LEMD3: variants seen among roughly 807,000 people sequenced by gnomAD.
The protein encoded by LEMD3 is LEM domain containing 3.
A neutral mutation model predicts 95.2 loss-of-function variants in LEMD3; 33 were observed. The observed-to-expected ratio is 0.35, with a 90% CI of 0.26 to 0.46. The LOEUF is 0.46. Among genes scored for constraint, LEMD3 ranks in the 20% least tolerant of loss-of-function variants. LEMD3 has a pLI of 1.00. For missense variants in LEMD3, 1,210 were observed against 1,192.8 expected (o/e 1.01, Z -0.21); for synonymous variants, 525 against 474.6 (o/e 1.11, Z -1.38).
chr12:65,193,432 A>G lies in LEMD3; in HGVS notation c.1523-17494A>G, dbSNP rs185691886. ...GGCCTGCTAGCACTTGGAAGGGGCC[A>G]GCCTATGCAGTGTGTTTACTGGAGT... On this transcript the variant is annotated intron_variant, in intron 1 of 12. Coordinates refer to ENST00000308330, the MANE Select transcript of LEMD3 (RefSeq NM_014319.5). Among the ~76,000 whole-genome samples the G allele has an allele frequency of 2.1e-3, 322 of 152,246 alleles. 1 individual carries two copies. The highest frequency in any genetic ancestry group is 7.5e-3 in the African/African-American group (310 of 41,576).
chr12:65,242,620 A>G (rs776798942), intron 9 of LEMD3, among the ~76,000 whole-genome samples: 13 of 152,052 alleles, frequency 8.5e-5, no homozygotes, highest in Non-Finnish European at 1.5e-4. Context: ...AGGTCATGTC[A>G]TATCTACTCC....
intron 1 of LEMD3, chr12:65,171,816 G>T (rs909585868): frequency 1.4e-4 from 22 of 152,436 alleles, no homozygotes; most frequent in African/African-American, 4.6e-4. Flanking sequence ...TGTGTTCATT[G>T]TCATAATCAA....
Position 65,196,128 on chromosome 12 carries a change from C to A in LEMD3, c.1523-14798C>A, listed in dbSNP as rs187788632. Among the ~76,000 whole-genome samples, 195 of 150,374 alleles carry A rather than the reference C, an allele frequency of 1.3e-3. 4 individuals carry two copies. The highest frequency in any genetic ancestry group is 4.5e-3 in the African/African-American group (184 of 40,824). On this transcript the variant is annotated intron_variant, in intron 1 of 12. Coordinates refer to ENST00000308330, the MANE Select transcript of LEMD3 (RefSeq NM_014319.5). Reference sequence around the variant, plus strand: ...TTTATAAAGCATTTGTCTAGCTTTTCATCTTTGGGTTGGGAAGATAACTGA... The same window carrying A: ...TTTATAAAGCATTTGTCTAGCTTTTAATCTTTGGGTTGGGAAGATAACTGA...
intron 1 of LEMD3, among the ~76,000 whole-genome samples, chr12:65,186,730 T>G (rs1459092407): frequency 2.0e-5 from 3 of 150,346 alleles, no homozygotes; most frequent in African/African-American, 7.3e-5. Flanking sequence ...TGGTATTACA[T>G]CAGTAAGTGT....
At chr12:65,238,627 TG>T (rs1378874667) in intron 5 of LEMD3, 41 bp from the exon 6 acceptor site, 3 of 1,613,196 alleles carry the variant, frequency 1.9e-6, no homozygotes, top group Non-Finnish European at 2.5e-6. Flanking sequence ...CTGGGAGAAA[TG>T]GTTTTTGACT....
chr12:65,208,771 T>A (rs552425068), intron 1 of LEMD3, among the ~76,000 whole-genome samples: 1 of 152,200 alleles, frequency 6.6e-6, no homozygotes, highest in South Asian at 2.1e-4. Context: ...TAGGTGGCAA[T>A]TATCATGAGC....
At chr12:65,184,554 A>G (rs1253406626) in intron 1 of LEMD3, among the ~76,000 whole-genome samples, 1 of 152,150 alleles carries the variant, frequency 6.6e-6, no homozygotes, top group South Asian at 2.1e-4. Flanking sequence ...TTTCCAACTT[A>G]TACTGGCCTA....
intron 1 of LEMD3, among the ~76,000 whole-genome samples, chr12:65,174,928 G>A (rs368565122): frequency 9.2e-5 from 14 of 152,174 alleles, no homozygotes; most frequent in Admixed American, 2.6e-4. Flanking sequence ...AGACCTCTCT[G>A]AGGAAGGATG....
At chr12:65,206,965 A>C (rs1869782082) in intron 1 of LEMD3, among the ~76,000 whole-genome samples, 1 of 152,090 alleles carries the variant, frequency 6.6e-6, no homozygotes, top group East Asian at 1.9e-4. Context: ...GTCAGACATA[A>C]ATAGGTTTGA....
chr12:65,231,860 A>T (rs1428800173), intron 4 of LEMD3, among the ~76,000 whole-genome samples: 2 of 151,842 alleles, frequency 1.3e-5, no homozygotes, highest in Non-Finnish European at 2.9e-5. Flanking sequence ...TACTATAAAT[A>T]TTCATGTGTC....
chr12:65,233,416 C>A (rs537766263), intron 4 of LEMD3, among the ~76,000 whole-genome samples: 1 of 152,148 alleles, frequency 6.6e-6, no homozygotes, highest in Non-Finnish European at 1.5e-5. Flanking sequence ...GTAATGGAGC[C>A]AGCATCTGGT....
chr12:65,205,097 C>T (rs968964020), intron 1 of LEMD3, among the ~76,000 whole-genome samples: 3 of 151,974 alleles, frequency 2.0e-5, no homozygotes, highest in African/African-American at 4.8e-5. Context: ...GTGAGGCGGC[C>T]GGAGAGAGAG....
intron 1 of LEMD3, among the ~76,000 whole-genome samples, chr12:65,187,474 G>C (rs1207626192): frequency 2.0e-5 from 3 of 152,102 alleles, no homozygotes; most frequent in African/African-American, 4.8e-5. Flanking sequence ...GGCAGAACCA[G>C]ATTTGAGTGC....
In LEMD3 at chr12:65,200,594, G is replaced by A. The variant is rs568206207; in HGVS notation, c.1523-10332G>A. On this transcript the variant is annotated intron_variant, in intron 1 of 12. Coordinates refer to ENST00000308330, the MANE Select transcript of LEMD3 (RefSeq NM_014319.5). Reference sequence around the variant, plus strand: ...TTTTAATTTGCATTTCCCTGATAACGTATGATGTGGATCATCTTTTCTGTA... The same window carrying A: ...TTTTAATTTGCATTTCCCTGATAACATATGATGTGGATCATCTTTTCTGTA... 7.9e-5 allele frequency among the ~76,000 whole-genome samples: 12 copies of A among 152,186 alleles called. No individual in the cohort carries two copies. The South Asian group carries it at 1.2e-3, about 16-fold the overall frequency.
At chr12:65,219,514 TG>T (rs1470385776) in intron 4 of LEMD3, among the ~76,000 whole-genome samples, 2 of 152,232 alleles carry the variant, frequency 1.3e-5, no homozygotes, top group African/African-American at 4.8e-5. Flanking sequence ...CATTTGAACG[TG>T]GACAAGTCAT....
Position 65,247,902 on chromosome 12 carries a change from T to G in LEMD3, c.*1577T>G, listed in dbSNP as rs1354463840. 1 of 152,468 alleles carries G rather than the reference T, an allele frequency of 6.6e-6. No homozygotes were observed. The highest frequency in any genetic ancestry group is 1.5e-5 in the Non-Finnish European group (1 of 67,994). 9.4% of individuals were successfully genotyped at this position (152,468 alleles called of 1,614,324 possible). A position where few individuals can be genotyped will look rare whatever the true frequency, so the allele number is the denominator to read the frequency against. On this transcript the variant is annotated 3_prime_UTR_variant, in exon 13 of 13. Coordinates refer to ENST00000308330, the MANE Select transcript of LEMD3 (RefSeq NM_014319.5). ...AGAGAATAAATTTTAAATTCTCAGTTTATGTCTCAGATGCTAACGTGTGAA... is the reference window on the plus strand; with the variant it reads ...AGAGAATAAATTTTAAATTCTCAGTGTATGTCTCAGATGCTAACGTGTGAA...
intron 4 of LEMD3, among the ~76,000 whole-genome samples, chr12:65,223,095 G>A (rs116653997): frequency 0.018 from 2,676 of 152,104 alleles, 76 homozygotes; most frequent in African/African-American, 0.06. Context: ...CACTTCATAA[G>A]AATGTGTATT....
chr12:65,240,985 C>G lies in LEMD3; in HGVS notation c.2203C>G (p.Arg735Gly). The G allele has an allele frequency of 6.2e-7, 1 of 1,614,030 alleles. No individual in the cohort carries two copies. Among genetic ancestry groups the G allele is most frequent in the Non-Finnish European group, 8.5e-7 (1 of 1,179,922 alleles). ...TGAGTCTAGAGTTCGCACGGAAACACGAAGAATAGGTGGTGCAGATTTTCT... is the reference window on the plus strand; with the variant it reads ...TGAGTCTAGAGTTCGCACGGAAACAGGAAGAATAGGTGGTGCAGATTTTCT... ...ANESRVRTET[R>G]RIGGADFLVW... The change falls in exon 9 of 13, where the codon CGA becomes GGA. Residue 735 changes from arginine to glycine, a missense_variant. Physicochemically the swap from Arg to Gly is moderately radical, Grantham distance 125. Transcript: ENST00000308330.
intron 4 of LEMD3, among the ~76,000 whole-genome samples, chr12:65,233,852 C>T (rs548693860): frequency 2.0e-5 from 3 of 152,064 alleles, no homozygotes; most frequent in Non-Finnish European, 2.9e-5. Context: ...TTTTGACCCA[C>T]GATTTTGAAA....
Sources: gnomAD v4.1 joint callset for allele counts (sites outside exome capture counted in the v4.1 genomes callset) on GRCh38, gnomAD v4.1.1 for gene constraint, MANE v1.5 for transcripts, NCBI Gene and HGNC (gene_info 2026-07-23, HGNC 2026-07-21) for gene names.